ACACA: variants seen among roughly 807,000 people sequenced by gnomAD.
ACACA encodes acetyl-CoA carboxylase alpha, also known as acetyl-CoA carboxylase 1.
In ACACA, 103 loss-of-function variants were observed where a neutral mutation model predicts 296.1. The ratio of observed to expected loss-of-function variants is 0.35; its 90% CI spans 0.30 to 0.41. The LOEUF (loss-of-function observed/expected upper bound fraction) is 0.41. Among genes scored for constraint, ACACA ranks in the 10% least tolerant of loss-of-function variants. The pLI is 1.00. For synonymous variants in ACACA, 953 were observed against 1,038.6 expected (o/e 0.92, Z 1.58); for missense variants, 1,554 against 2,989.7 (o/e 0.52, Z 11.20).
At chr17:37,216,125 AACAC>A (rs745794412) in intron 29 of ACACA, among the ~76,000 whole-genome samples, 2,981 of 124,534 alleles carry the variant, frequency 0.024, 59 homozygotes, top group Non-Finnish European at 0.036. Flanking sequence ...TAAAAAAGGA[AACAC>A]ACACACACAC....
intron 29 of ACACA, among the ~76,000 whole-genome samples, chr17:37,214,121 G>A (rs2078879860): frequency 6.6e-6 from 1 of 152,174 alleles, no homozygotes; most frequent in African/African-American, 2.4e-5. Context: ...AGAATCAGAA[G>A]AGGTCGGCTG....
intron 3 of ACACA, among the ~76,000 whole-genome samples, chr17:37,318,762 A>G (rs1462072148): frequency 6.6e-6 from 1 of 152,178 alleles, no homozygotes; most frequent in Non-Finnish European, 1.5e-5. Context: ...TACTATTCCA[A>G]AAGTTTCATA....
chr17:37,326,623 G>A (rs1272896733), intron 3 of ACACA, among the ~76,000 whole-genome samples: 1 of 151,952 alleles, frequency 6.6e-6, no homozygotes, highest in Admixed American at 6.6e-5. Context: ...CTGAGGTCAG[G>A]AGTTCGAGAC....
chr17:37,326,999 G>A (rs2047654536), intron 3 of ACACA, among the ~76,000 whole-genome samples: 1 of 152,138 alleles, frequency 6.6e-6, no homozygotes, highest in African/African-American at 2.4e-5. Context: ...GAGAGACTCA[G>A]TCCCATCTTA....
chr17:37,096,178 C>T (rs967372198), intron 54 of ACACA, among the ~76,000 whole-genome samples: 3 of 152,208 alleles, frequency 2.0e-5, no homozygotes, highest in African/African-American at 7.2e-5. Flanking sequence ...CCACACAGCC[C>T]CCTTAGTGGT....
intron 52 of ACACA, among the ~76,000 whole-genome samples, chr17:37,102,199 CTTT>C (rs35050543): frequency 1.9e-5 from 2 of 106,086 alleles, no homozygotes; most frequent in Non-Finnish European, 1.8e-5. Flanking sequence ...GCATCCAGCT[CTTT>C]TTTTTTTTTT....
At chr17:37,331,020 C>G (rs926908930) in intron 2 of ACACA, among the ~76,000 whole-genome samples, 2 of 152,140 alleles carry the variant, frequency 1.3e-5, no homozygotes, top group African/African-American at 4.8e-5. Context: ...AAGTGATCCT[C>G]CTACCTCAGC....
intron 3 of ACACA, among the ~76,000 whole-genome samples, chr17:37,327,185 A>G (rs1324797547): frequency 5.3e-5 from 8 of 152,216 alleles, no homozygotes; most frequent in African/African-American, 1.4e-4. Context: ...GAAAAGGAGC[A>G]TCTGAATCAA....
At chr17:37,102,199 CT>C (rs35050543) in intron 52 of ACACA, among the ~76,000 whole-genome samples, 1,148 of 106,078 alleles carry the variant, frequency 0.011, 3 homozygotes, top group African/African-American at 0.036. Flanking sequence ...GCATCCAGCT[CT>C]TTTTTTTTTT....
chr17:37,146,877 A>G (rs1233377984), intron 45 of ACACA, among the ~76,000 whole-genome samples: 1 of 134,708 alleles, frequency 7.4e-6, no homozygotes, highest in African/African-American at 2.8e-5. Flanking sequence ...AGCACCTTTT[A>G]AAATTCATTG....
intron 3 of ACACA, among the ~76,000 whole-genome samples, chr17:37,304,591 C>T (rs960063398): frequency 7.2e-5 from 11 of 152,072 alleles, no homozygotes; most frequent in Non-Finnish European, 1.2e-4. Flanking sequence ...GTCAGGAGTT[C>T]GAGACCAGCC....
intron 1 of ACACA, among the ~76,000 whole-genome samples, chr17:37,341,029 C>T (rs1210266181): frequency 6.6e-6 from 1 of 152,090 alleles, no homozygotes; most frequent in Non-Finnish European, 1.5e-5. Flanking sequence ...CTGTGAAAAG[C>T]CAATGCACTC....
At chr17:37,225,310 T>C in intron 26 of ACACA, 1 of 528,372 alleles carries the variant, frequency 1.9e-6, no homozygotes, top group East Asian at 3.6e-5. Context: ...ACTCTCACCA[T>C]GATTTGCATT....
intron 3 of ACACA, among the ~76,000 whole-genome samples, chr17:37,328,043 C>T (rs1255027052): frequency 2.0e-5 from 3 of 152,196 alleles, no homozygotes; most frequent in Non-Finnish European, 2.9e-5. Context: ...CACTAAAATA[C>T]TGCTCTCTAT....
At chr17:37,132,547 AG>A (rs1335794263) in intron 45 of ACACA, among the ~76,000 whole-genome samples, 8 of 152,176 alleles carry the variant, frequency 5.3e-5, no homozygotes, top group Non-Finnish European at 1.2e-4. Context: ...AAAATTGGAA[AG>A]GGGGAAAAGG....
Position 37,177,563 on chromosome 17 carries a change from T to C in ACACA, c.5079+1697A>G, listed in dbSNP as rs117457187. Among the ~76,000 whole-genome samples the C allele has an allele frequency of 1.1e-4, 17 of 152,336 alleles. No homozygotes were observed. In the East Asian group the frequency reaches 3.3e-3, roughly 29 times the overall value. Reference sequence around the variant, plus strand: ...CTTTCACGTGGCCAAAAATCTCATTTTGTGTTTTAATTACATTAGTTAAAA... The same window carrying C: ...CTTTCACGTGGCCAAAAATCTCATTCTGTGTTTTAATTACATTAGTTAAAA... On this transcript the variant is annotated intron_variant, in intron 41 of 55. Transcript: ENST00000616317.
At chr17:37,199,198 C>T (rs942858895) in intron 35 of ACACA, among the ~76,000 whole-genome samples, 5 of 151,234 alleles carry the variant, frequency 3.3e-5, no homozygotes, top group Non-Finnish European at 5.9e-5. Flanking sequence ...TGAGATTGCG[C>T]CACTGCACTC....
intron 50 of ACACA, among the ~76,000 whole-genome samples, chr17:37,115,971 C>T (rs2074228045): frequency 6.6e-6 from 1 of 151,932 alleles, no homozygotes; most frequent in Non-Finnish European, 1.5e-5. Context: ...CCACATTCTA[C>T]TACTTCATTC....
intron 1 of ACACA, among the ~76,000 whole-genome samples, chr17:37,390,129 T>A (rs8076683): frequency 2.1e-5 from 1 of 47,588 alleles, no homozygotes; most frequent in African/African-American, 1.0e-4. Flanking sequence ...CTGTCTCTAT[T>A]AAAAAAAAAA....
Sources: gnomAD v4.1 joint callset for allele counts (sites outside exome capture counted in the v4.1 genomes callset) on GRCh38, gnomAD v4.1.1 for gene constraint, MANE v1.5 for transcripts, NCBI Gene and HGNC (gene_info 2026-07-23, HGNC 2026-07-21) for gene names.